The following GALNT13 variants were observed in gnomAD, a reference collection of about 807,000 sequenced individuals.
GALNT13 encodes the protein polypeptide N-acetylgalactosaminyltransferase 13.
A neutral mutation model predicts 64.2 loss-of-function variants in GALNT13; 28 were observed. The observed-to-expected ratio is 0.44, with a 90% confidence interval of 0.32 to 0.60. The LOEUF (loss-of-function observed/expected upper bound fraction) is 0.60. GALNT13 is among the 20% of genes least tolerant of loss of function. The pLI is 0.05. For synonymous variants in GALNT13, 214 were observed against 224.6 expected (o/e 0.95, Z 0.42); for missense variants, 577 against 669.8 (o/e 0.86, Z 1.53).
At chr2:153,695,760 G>T in the GALNT13 span, among the ~76,000 whole-genome samples, 1 of 152,112 alleles carries the variant, frequency 6.6e-6, no homozygotes, top group African/African-American at 2.4e-5. Context: ...ATTACACAGA[G>T]GATGATATTG....
chr2:153,328,759 C>T, the GALNT13 span, among the ~76,000 whole-genome samples: 19 of 152,046 alleles, frequency 1.2e-4, no homozygotes, highest in Admixed American at 9.2e-4. Context: ...GGGTGGGCTC[C>T]GCTCAGCAAG....
At chr2:153,156,642 A>T in the GALNT13 span, among the ~76,000 whole-genome samples, 1 of 152,172 alleles carries the variant, frequency 6.6e-6, no homozygotes, top group Non-Finnish European at 1.5e-5. Flanking sequence ...CAATGTTAAA[A>T]TATCAATGCA....
At chr2:153,119,400 G>A in the GALNT13 span, among the ~76,000 whole-genome samples, 1 of 151,952 alleles carries the variant, frequency 6.6e-6, no homozygotes, top group Non-Finnish European at 1.5e-5. Flanking sequence ...GGGAAAGAAG[G>A]GGCCATTACA....
intron 6 of GALNT13, among the ~76,000 whole-genome samples, chr2:154,244,510 T>C (rs1188143789): frequency 4.6e-5 from 7 of 152,184 alleles, no homozygotes; most frequent in Non-Finnish European, 8.8e-5. Flanking sequence ...AAAACAAGTA[T>C]GAATAATGGA....
At chr2:153,224,946 G>A in the GALNT13 span, among the ~76,000 whole-genome samples, 1 of 152,168 alleles carries the variant, frequency 6.6e-6, no homozygotes, top group South Asian at 2.1e-4. Flanking sequence ...AGTAAGTGAA[G>A]GCAGAGGAAA....
At chr2:153,616,419 G>A in the GALNT13 span, among the ~76,000 whole-genome samples, 2 of 151,780 alleles carry the variant, frequency 1.3e-5, no homozygotes, top group Non-Finnish European at 2.9e-5. Context: ...TGTGTCTTAT[G>A]TGGTTCCATA....
At chr2:153,372,572 G>C in the GALNT13 span, among the ~76,000 whole-genome samples, 1 of 152,042 alleles carries the variant, frequency 6.6e-6, no homozygotes, top group Non-Finnish European at 1.5e-5. Context: ...CTTGAACCAG[G>C]GGGGCAGAGG....
At chr2:153,674,671 A>C in the GALNT13 span, among the ~76,000 whole-genome samples, 2 of 152,230 alleles carry the variant, frequency 1.3e-5, no homozygotes, top group Non-Finnish European at 2.9e-5. Context: ...CACAAAAAGC[A>C]ATGGCAACAA....
intron 9 of GALNT13, among the ~76,000 whole-genome samples, chr2:154,335,449 G>T (rs934238876): frequency 3.9e-5 from 6 of 152,016 alleles, no homozygotes; most frequent in African/African-American, 1.4e-4. Context: ...CCCCTTTTCA[G>T]GGGGTGGGGA....
chr2:153,796,178 A>G, the GALNT13 span, among the ~76,000 whole-genome samples: 1 of 152,232 alleles, frequency 6.6e-6, no homozygotes, highest in African/African-American at 2.4e-5. Context: ...AAGACCCATT[A>G]TAATGCAAGA....
chr2:154,349,343 A>T (rs752357303), intron 9 of GALNT13, among the ~76,000 whole-genome samples: 1 of 152,236 alleles, frequency 6.6e-6, no homozygotes, highest in Non-Finnish European at 1.5e-5. Flanking sequence ...AATTGCAAGG[A>T]TCATCTAAGT....
At chr2:153,415,289 G>A in the GALNT13 span, among the ~76,000 whole-genome samples, 1 of 152,284 alleles carries the variant, frequency 6.6e-6, no homozygotes, top group South Asian at 2.1e-4. Flanking sequence ...AGCCATGGTA[G>A]CTGGATTTGG....
intron 8 of GALNT13, among the ~76,000 whole-genome samples, chr2:154,274,515 G>C (rs1334288358): frequency 1.3e-5 from 2 of 152,034 alleles, no homozygotes; most frequent in Non-Finnish European, 2.9e-5. Context: ...CCAGTGGGAA[G>C]TAGTTTAATC....
chr2:154,053,465 C>A (rs1699749211), intron 3 of GALNT13, among the ~76,000 whole-genome samples: 1 of 151,472 alleles, frequency 6.6e-6, no homozygotes, highest in Non-Finnish European at 1.5e-5. Flanking sequence ...CATTTTATGA[C>A]CTAAAACTTT....
the GALNT13 span, among the ~76,000 whole-genome samples, chr2:153,781,918 T>G: frequency 6.6e-6 from 1 of 152,214 alleles, no homozygotes; most frequent in Non-Finnish European, 1.5e-5. Flanking sequence ...TTACTCTCTC[T>G]CATTATTTCT....
intron 8 of GALNT13, among the ~76,000 whole-genome samples, chr2:154,291,048 C>T (rs1692592405): frequency 6.6e-6 from 1 of 152,040 alleles, no homozygotes; most frequent in Non-Finnish European, 1.5e-5. Flanking sequence ...GCAGCAAGAT[C>T]TATCGTGAAG....
chr2:153,983,044 A>ATAAAGT (rs1386683940), intron 3 of GALNT13, among the ~76,000 whole-genome samples: 1 of 151,998 alleles, frequency 6.6e-6, no homozygotes, highest in Admixed American at 6.6e-5. Context: ...TAACAATTTT[A>ATAAAGT]TAAAGTTAAT....
At chr2:153,889,275 A>G (rs1171686147) in intron 1 of GALNT13, among the ~76,000 whole-genome samples, 9 of 151,904 alleles carry the variant, frequency 5.9e-5, no homozygotes, top group Admixed American at 5.3e-4. Context: ...TTGACCTGAT[A>G]TTAGATCAAA....
At chr2:154,020,913 A>G (rs1469095092) in intron 3 of GALNT13, among the ~76,000 whole-genome samples, 2 of 152,186 alleles carry the variant, frequency 1.3e-5, no homozygotes, top group East Asian at 1.9e-4. Flanking sequence ...TCAGCTTTCT[A>G]CATATGGCTA....
Sources: allele counts gnomAD v4.1 joint callset (sites outside exome capture counted in the v4.1 genomes callset), GRCh38; gene constraint gnomAD v4.1.1; transcripts MANE v1.5; gene names NCBI Gene and HGNC (gene_info 2026-07-23, HGNC 2026-07-21).